The following CNTN5 variants were observed in gnomAD, a reference collection of about 807,000 sequenced individuals.
The protein encoded by CNTN5 is contactin 5, also known as contactin-5.
Under a neutral mutation model 129.1 loss-of-function variants are expected in CNTN5, and 77 were observed. That is an observed-to-expected ratio of 0.60 (90% confidence interval 0.50 to 0.72). CNTN5 has a LOEUF of 0.72. Ranked by LOEUF, CNTN5 falls within the 30% of genes least tolerant of loss-of-function variation. The pLI is 0.00. For missense variants in CNTN5, 1,478 were observed against 1,328.8 expected (o/e 1.11, Z -1.75); for synonymous variants, 509 against 465.6 (o/e 1.09, Z -1.20).
chr11:99,025,140 C>A (rs1303705535), intron 1 of CNTN5, among the ~76,000 whole-genome samples: 6 of 151,896 alleles, frequency 4.0e-5, no homozygotes, highest in Admixed American at 3.9e-4. Flanking sequence ...TTATGCCAGT[C>A]ATGTTTCCAA....
In CNTN5 at chr11:99,802,223, C is replaced by CT. The variant is rs375084118; in HGVS notation, c.56-17320dup. On this transcript the variant is annotated intron_variant, in intron 3 of 24. Coordinates refer to ENST00000524871, the MANE Select transcript of CNTN5 (RefSeq NM_014361.4). The stretch of plus-strand genomic sequence containing the variant: ...TTGACCTACAGGCCTGTAGTTTGTG[C>CT]TATGGGTAAGAGACAGTTACAGCTA... 4.1e-3 allele frequency among the ~76,000 whole-genome samples: 629 copies of CT among 152,240 alleles called. 10 individuals are homozygous for CT. The highest frequency in any genetic ancestry group is 0.014 in the African/African-American group (594 of 41,534).
chr11:99,822,458 A>G (rs1946831725), intron 4 of CNTN5, among the ~76,000 whole-genome samples: 1 of 152,208 alleles, frequency 6.6e-6, no homozygotes, highest in Admixed American at 6.5e-5. Context: ...ATAGAGAGTG[A>G]ACATGGTAAG....
chr11:99,319,489 A>G (rs1044387039), intron 1 of CNTN5, among the ~76,000 whole-genome samples: 12 of 152,262 alleles, frequency 7.9e-5, no homozygotes, highest in African/African-American at 2.9e-4. Context: ...AACTTATCAC[A>G]CAGCATTGGA....
chr11:99,125,669 T>C (rs146677674), intron 1 of CNTN5, among the ~76,000 whole-genome samples: 3 of 152,274 alleles, frequency 2.0e-5, no homozygotes, highest in African/African-American at 7.2e-5. Flanking sequence ...CAAACTACAT[T>C]ATTTTAAATC....
intron 3 of CNTN5, among the ~76,000 whole-genome samples, chr11:99,756,419 T>C (rs1267645634): frequency 6.6e-6 from 1 of 152,122 alleles, no homozygotes; most frequent in East Asian, 1.9e-4. Flanking sequence ...GACAATTTTC[T>C]GTTATTTTCC....
intron 3 of CNTN5, among the ~76,000 whole-genome samples, chr11:99,749,546 C>T (rs957730455): frequency 2.0e-5 from 3 of 152,020 alleles, no homozygotes; most frequent in African/African-American, 4.8e-5. Context: ...CACCTGACAC[C>T]TCAGTGGCCC....
At chr11:99,684,155 A>G (rs1953683591) in intron 3 of CNTN5, among the ~76,000 whole-genome samples, 2 of 151,734 alleles carry the variant, frequency 1.3e-5, no homozygotes, top group Non-Finnish European at 2.9e-5. Flanking sequence ...TGACTTCTTT[A>G]GATTCTGCAT....
chr11:100,014,981 G>A (rs185919446), intron 9 of CNTN5, among the ~76,000 whole-genome samples: 1 of 152,044 alleles, frequency 6.6e-6, no homozygotes, highest in Non-Finnish European at 1.5e-5. Flanking sequence ...TTTTCCAAAG[G>A]TATAAAATTT....
chr11:99,503,169 A>T (rs1298955351), intron 2 of CNTN5, among the ~76,000 whole-genome samples: 2 of 152,008 alleles, frequency 1.3e-5, no homozygotes, highest in South Asian at 4.2e-4. Flanking sequence ...CCTTTTCCCT[A>T]TGTAACTCTA....
intron 9 of CNTN5, among the ~76,000 whole-genome samples, chr11:100,034,394 A>G (rs892889773): frequency 6.6e-6 from 1 of 152,244 alleles, no homozygotes; most frequent in Non-Finnish European, 1.5e-5. Flanking sequence ...TCCAGTATCA[A>G]GTCTTGTTAG....
At chr11:99,864,781 A>G (rs1168765741) in intron 6 of CNTN5, among the ~76,000 whole-genome samples, 1 of 152,214 alleles carries the variant, frequency 6.6e-6, no homozygotes, top group Non-Finnish European at 1.5e-5. Flanking sequence ...CGATGGAAAA[A>G]GCAATAAAAT....
chr11:99,412,703 C>T (rs1055010795), intron 2 of CNTN5, among the ~76,000 whole-genome samples: 6 of 152,198 alleles, frequency 3.9e-5, no homozygotes, highest in Non-Finnish European at 8.8e-5. Flanking sequence ...CCATGCCACA[C>T]TCATTGTGAA....
chr11:100,242,895 A>G (rs1949771585), intron 16 of CNTN5, among the ~76,000 whole-genome samples: 1 of 152,268 alleles, frequency 6.6e-6, no homozygotes, highest in South Asian at 2.1e-4. Context: ...GTCATTGAAT[A>G]AACAATAATC....
In CNTN5 at chr11:99,819,552, A is replaced by G. The variant is rs532915134; in HGVS notation, c.64A>G (p.Lys22Glu). 8.7e-6 allele frequency: 14 copies of G among 1,610,570 alleles called. No individual in the cohort carries two copies. Among genetic ancestry groups the G allele is most frequent in the African/African-American group, 6.7e-5 (5 of 74,998 alleles). The change falls in exon 4 of 25, where the codon AAA (lysine) becomes GAA (glutamate). Residue 22 changes from lysine to glutamate, a missense_variant. By Grantham distance (56) the Lys-to-Glu change is moderately conservative. Transcript: ENST00000524871. Reference protein sequence around the residue: ...SVTMCLSEYSKSLPGLSTSYA... With the variant: ...SVTMCLSEYSESLPGLSTSYA... ...TATTTTTTCTCTTACAGAGTATTCA[A>G]AATCTCTTCCTGGTCTCTCCACTTC...
chr11:99,221,771 C>A lies in CNTN5; in HGVS notation c.-209-103575C>A, dbSNP rs571168873. Among the ~76,000 whole-genome samples, 23 of 151,952 alleles carry A rather than the reference C, an allele frequency of 1.5e-4. 1 individual carries two copies. The South Asian group carries it at 4.8e-3, about 32-fold the overall frequency. On this transcript the variant is annotated intron_variant, in intron 1 of 24. Transcript: ENST00000524871. ...AGGAGTAATTTTGAACTAACATATA[C>A]AAACACTTCGTAAACAATTAAGGAA...
At chr11:99,869,120 CAT>C (rs1212452467) in intron 6 of CNTN5, among the ~76,000 whole-genome samples, 1 of 152,138 alleles carries the variant, frequency 6.6e-6, no homozygotes, top group Non-Finnish European at 1.5e-5. Flanking sequence ...CCTAATAAAA[CAT>C]TATGTTTCAG....
intron 1 of CNTN5, among the ~76,000 whole-genome samples, chr11:99,077,188 C>T (rs1231808554): frequency 1.4e-5 from 2 of 143,944 alleles, no homozygotes; most frequent in African/African-American, 5.4e-5. Context: ...TATGTTGCAC[C>T]CCTTAACACT....
chr11:99,158,891 A>G (rs1416755800), intron 1 of CNTN5, among the ~76,000 whole-genome samples: 1 of 152,162 alleles, frequency 6.6e-6, no homozygotes, highest in African/African-American at 2.4e-5. Flanking sequence ...ACCTTCAGTA[A>G]ATTATAAACA....
intron 3 of CNTN5, among the ~76,000 whole-genome samples, chr11:99,746,954 G>T (rs1383174128): frequency 6.6e-6 from 1 of 152,214 alleles, no homozygotes; most frequent in East Asian, 1.9e-4. Flanking sequence ...CTATAGCTGT[G>T]GAAAATAGCA....
Sources: allele counts gnomAD v4.1 joint callset (sites outside exome capture counted in the v4.1 genomes callset), GRCh38; gene constraint gnomAD v4.1.1; transcripts MANE v1.5; gene names NCBI Gene and HGNC (gene_info 2026-07-23, HGNC 2026-07-21).